SSH3: variants seen among roughly 807,000 people sequenced by gnomAD.
SSH3 encodes protein phosphatase Slingshot homolog 3.
In SSH3, 67 loss-of-function variants were observed where a neutral mutation model predicts 75.0. The ratio of observed to expected loss-of-function variants is 0.89; its 90% CI spans 0.73 to 1.10. The LOEUF is 1.10. Ranked by LOEUF, SSH3 falls within the 50% of genes least tolerant of loss-of-function variation. SSH3 has a pLI of 0.00. For missense variants in SSH3, 824 were observed against 872.7 expected, an observed-to-expected ratio of 0.94 and a Z score of 0.70; for synonymous variants, 318 against 349.2, an observed-to-expected ratio of 0.91 and a Z score of 1.00.
chr11:67,304,673 G>A, intron 2 of SSH3, 100 bp from the exon 3 acceptor site: 9 of 1,240,766 alleles, frequency 7.3e-6, no homozygotes, highest in Non-Finnish European at 1.0e-5. Flanking sequence ...ATGAATCCGT[G>A]TAGACAAGGG....
Position 67,310,177 on chromosome 11 carries a change from TG to T in SSH3, c.1525del (p.Glu509ArgfsTer5). ...PPLPPEPEGGGEEKVVGMEES... is the reference protein window; with the variant it reads ...PPLPPEPEGGXEEKVVGMEES... ...CTCTTCCGCCAGAACCTGAGGGTGG[TG>T]GGGAGGAGAAGGTTGTAGGCATGGA... On this transcript the variant is annotated frameshift_variant, in exon 13 of 14. Transcript: ENST00000308127. 6.2e-7 allele frequency: 1 copy of T among 1,613,836 alleles called. No individual in the cohort carries two copies. The highest frequency in any genetic ancestry group is 2.2e-5 in the East Asian group (1 of 44,864).
Position 67,309,869 on chromosome 11 carries a change from A to G in SSH3, c.1310A>G (p.Glu437Gly). 1 of 1,612,854 alleles carries G rather than the reference A, an allele frequency of 6.2e-7. No homozygotes were observed. The highest frequency in any genetic ancestry group is 8.5e-7 in the Non-Finnish European group (1 of 1,180,006). The change falls in exon 12 of 14, where the codon GAG becomes GGG. Residue 437 changes from glutamate (E) to glycine (G), a missense_variant. Coordinates refer to ENST00000308127, the MANE Select transcript of SSH3 (RefSeq NM_017857.4). ...ATGAAGCAGTACGAATGCAGCCTGG[A>G]GCAGGCCCTGCGCCACGTGCAGGAG... is the stretch of plus-strand genomic sequence containing the variant. ...YAMKQYECSL[E>G]QALRHVQELR...
In SSH3 at chr11:67,304,908, C is replaced by T. The variant is rs1445353850; in HGVS notation, c.240C>T (p.Asp80=). The T allele has an allele frequency of 5.0e-6, 8 of 1,613,812 alleles. No homozygotes were observed. Among genetic ancestry groups the T allele is most frequent in the Non-Finnish European group, 4.2e-6 (5 of 1,180,014 alleles). ...AGGAGCTCCACGGGGACCAGACAGA[C>T]TTCGGGCAAGGATCCCAGAGTCCCC... The part of the protein sequence containing the change: ...SEEELHGDQT[D]FGQGSQSPQK... The change falls in exon 3 of 14, where the codon GAC becomes GAT. Residue 80 remains aspartate, a synonymous_variant. Transcript: ENST00000308127.
rs1861300997 is a variant in SSH3, at chr11:67,308,162, C to T, written c.886-12C>T. On this transcript the variant is annotated splice_polypyrimidine_tract_variant and intron_variant, in intron 8 of 13. Coordinates refer to ENST00000308127, the MANE Select transcript of SSH3 (RefSeq NM_017857.4). The surrounding 1 kb of genome is among the most constrained non-coding windows in gnomAD (Gnocchi z 4.9). ...GAGCCCCAGCCTCTCTTGCCCTGGG[C>T]TCTGCCTGCAGATCCGCCAGGCTCT... is the stretch of plus-strand genomic sequence containing the variant. 1 of 1,611,042 alleles carries T rather than the reference C, an allele frequency of 6.2e-7. No individual in the cohort carries two copies. Among genetic ancestry groups the T allele is most frequent in the East Asian group, 2.2e-5 (1 of 44,894 alleles).
intron 2 of SSH3, 27 bp downstream of exon 2, chr11:67,304,182 A>G (rs2134763745): frequency 6.5e-7 from 1 of 1,546,066 alleles, no homozygotes; most frequent in Non-Finnish European, 8.8e-7. Flanking sequence ...CCACGCAGAC[A>G]CTTCCGTCTG....
chr11:67,304,983 G>A lies in SSH3; in HGVS notation c.315G>A (p.Leu105=), dbSNP rs778751731. The stretch of plus-strand genomic sequence containing the variant: ...ACCTGCACCTCATGGTACAGCTGCT[G>A]AGGCCGCAGGATGACATCCGCCTGG... ...RQHLHLMVQL[L]RPQDDIRLAA... is the part of the protein sequence containing the mutation. The change falls in exon 3 of 14, where the codon CTG becomes CTA. Residue 105 remains leucine (L), a synonymous_variant. Coordinates refer to ENST00000308127, the MANE Select transcript of SSH3 (RefSeq NM_017857.4). 10 of 1,612,336 alleles carry A rather than the reference G, an allele frequency of 6.2e-6. No homozygotes were observed. In the South Asian group the frequency reaches 1.1e-4, roughly 18 times the overall value.
In SSH3 at chr11:67,311,898, A is replaced by C. The variant is rs767208001; in HGVS notation, c.*11A>C. ...GAGGGCGAGGCCTGAGCCCTCACAC[A>C]TGCCCACGCTCCCCTGACACTGAAG... is the stretch of plus-strand genomic sequence containing the variant. On this transcript the variant is annotated 3_prime_UTR_variant, in exon 14 of 14. Transcript: ENST00000308127. 1 of 1,606,470 alleles carries C rather than the reference A, an allele frequency of 6.2e-7. No homozygotes were observed. Among genetic ancestry groups the C allele is most frequent in the Admixed American group, 1.7e-5 (1 of 57,664 alleles).
rs1349316168 is a variant in SSH3, at chr11:67,303,555, C to G, written c.-71C>G. On this transcript the variant is annotated 5_prime_UTR_variant, in exon 1 of 14. Transcript: ENST00000308127. ...GTCCGTCCTTCCTGGTCCTGCGGGTCCAGGACTGTCCGCGGGGTTGAGGGA... is the reference window on the plus strand; with the variant it reads ...GTCCGTCCTTCCTGGTCCTGCGGGTGCAGGACTGTCCGCGGGGTTGAGGGA... 2.1e-6 allele frequency: 3 copies of G among 1,458,716 alleles called. No individual in the cohort carries two copies. The Admixed American group carries it at 6.1e-5, about 30-fold the overall frequency. 90.4% of individuals were successfully genotyped at this position (1,458,716 alleles called of 1,614,324 possible).
At chr11:67,304,095 C>T (rs375873360) in intron 1 of SSH3, 23 bp from the exon 2 acceptor site, 225 of 1,579,300 alleles carry the variant, frequency 1.4e-4, no homozygotes, top group Non-Finnish European at 1.8e-4. Flanking sequence ...CCTCACCCTG[C>T]CCTGGGGCTG....
intron 10 of SSH3, 47 bp from the exon 11 acceptor site, chr11:67,309,350 C>A: frequency 5.6e-6 from 9 of 1,610,016 alleles, no homozygotes; most frequent in Non-Finnish European, 7.6e-6. Flanking sequence ...GCCAGTGGGC[C>A]TGGTACCTCT....
chr11:67,307,190 C>T lies in SSH3; in HGVS notation c.536+77C>T, dbSNP rs1861271139. The T allele has an allele frequency of 5.7e-6, 9 of 1,586,724 alleles. No individual in the cohort carries two copies. The highest frequency in any genetic ancestry group is 6.9e-6 in the Non-Finnish European group (8 of 1,167,172). On this transcript the variant is annotated intron_variant, in intron 5 of 13. Coordinates refer to ENST00000308127, the MANE Select transcript of SSH3 (RefSeq NM_017857.4). The surrounding 1 kb of genome is among the most constrained non-coding windows in gnomAD (Gnocchi z 4.2). ...GACGGATGTGACGGGGCCTGGGCAC[C>T]AGGGTACAGTAGAACTTTAGGCTGG...
At position 67,304,829 on chromosome 11, in the gene SSH3, A is replaced by G. The variant is rs1490133685; in HGVS notation, c.161A>G (p.Asn54Ser). Residue 54 changes from asparagine (N) to serine (S), a missense_variant, in exon 3 of 14, where the codon AAT becomes AGT. By Grantham distance (46) the Asn-to-Ser change is conservative. Coordinates refer to ENST00000308127, the MANE Select transcript of SSH3 (RefSeq NM_017857.4). ...AVLGLQDGGD[N>S]DDAAEASSEP... Reference sequence around the variant, plus strand: ...CTGGGACTGCAGGATGGAGGGGACAATGATGATGCAGCAGAGGCCAGTTCT... The same window carrying G: ...CTGGGACTGCAGGATGGAGGGGACAGTGATGATGCAGCAGAGGCCAGTTCT... The G allele has an allele frequency of 1.2e-6, 2 of 1,613,458 alleles. No homozygotes were observed. Among genetic ancestry groups the G allele is most frequent in the Non-Finnish European group, 1.7e-6 (2 of 1,179,862 alleles).
chr11:67,307,886 G>A lies in SSH3; in HGVS notation c.832G>A (p.Glu278Lys). Residue 278 changes from glutamate (E) to lysine (K), a missense_variant, in exon 8 of 14, where the codon GAG becomes AAG. Physicochemically the swap from Glu to Lys is moderately conservative, Grantham distance 56 (BLOSUM62 1). Transcript: ENST00000308127. The surrounding 1 kb of genome is among the most constrained non-coding windows in gnomAD (Gnocchi z 4.2). ...GCAGATGGAGCAGGCGATCCGTGCTGAGCTGTGGAAAGTGTTGGATGTCAG... is the reference window on the plus strand; with the variant it reads ...GCAGATGGAGCAGGCGATCCGTGCTAAGCTGTGGAAAGTGTTGGATGTCAG... ...QEQMEQAIRA[E>K]LWKVLDVSDL... The A allele has an allele frequency of 6.2e-7, 1 of 1,614,214 alleles. No homozygotes were observed.
Position 67,308,499 on chromosome 11 carries a change from C to A in SSH3, c.1061+41C>A. 6.4e-7 allele frequency: 1 copy of A among 1,553,222 alleles called. No homozygotes were observed. The highest frequency in any genetic ancestry group is 8.7e-7 in the Non-Finnish European group (1 of 1,148,988). On this transcript the variant is annotated intron_variant, in intron 10 of 13. Coordinates refer to ENST00000308127, the MANE Select transcript of SSH3 (RefSeq NM_017857.4). This position sits in a 1 kb window ranked among gnomAD's most constrained non-coding sequence, Gnocchi z 4.9. Reference sequence around the variant, plus strand: ...CCTCGGGCCACCCACCCCATCTTCCCTTCTCCTGGCCTCCCCGCATTGGGT... The same window carrying A: ...CCTCGGGCCACCCACCCCATCTTCCATTCTCCTGGCCTCCCCGCATTGGGT...
chr11:67,309,984 G>A lies in SSH3; in HGVS notation c.1409+16G>A, dbSNP rs748202654. Reference sequence around the variant, plus strand: ...TGACGGCCAGGTATGGGATGGGAGCGAGTGGCAGGGGGTGAGTAGGTGGGT... The same window carrying A: ...TGACGGCCAGGTATGGGATGGGAGCAAGTGGCAGGGGGTGAGTAGGTGGGT... On this transcript the variant is annotated intron_variant, in intron 12 of 13. Coordinates refer to ENST00000308127, the MANE Select transcript of SSH3 (RefSeq NM_017857.4). The A allele has an allele frequency of 1.4e-5, 22 of 1,610,170 alleles. No individual in the cohort carries two copies. Among genetic ancestry groups the A allele is most frequent in the Non-Finnish European group, 1.7e-5 (20 of 1,179,766 alleles).
rs146883105 is a variant in SSH3 at position 67,308,264 on chromosome 11, C to T, written c.976C>T (p.Arg326Trp). ...CCAGATGCTGCTGCTGGTGGCACAG[C>T]GGGACCGAGCCTCCCGCATCTTCCC... ...DNQMLLLVAQ[R>W]DRASRIFPHL... is the part of the protein sequence containing the mutation. Residue 326 changes from arginine (R) to tryptophan (W), a missense_variant, in exon 9 of 14, where the codon CGG becomes TGG. By Grantham distance (101) the Arg-to-Trp change is moderately radical. Transcript: ENST00000308127. This position sits in a 1 kb window ranked among gnomAD's most constrained non-coding sequence, Gnocchi z 4.9. 70 of 1,613,986 alleles carry T rather than the reference C, an allele frequency of 4.3e-5. No homozygotes were observed. The highest frequency in any genetic ancestry group is 5.3e-5 in the Non-Finnish European group (62 of 1,180,032).
In SSH3 at chr11:67,308,441, G is replaced by A. The variant is rs1299796749; in HGVS notation, c.1044G>A (p.Glu348=). 4 of 1,601,906 alleles carry A rather than the reference G, an allele frequency of 2.5e-6. No individual in the cohort carries two copies. Among genetic ancestry groups the A allele is most frequent in the Admixed American group, 1.7e-5 (1 of 57,812 alleles). Residue 348 remains glutamate, a synonymous_variant, in exon 10 of 14, where the codon GAG becomes GAA. Transcript: ENST00000308127. The surrounding 1 kb of genome is among the most constrained non-coding windows in gnomAD (Gnocchi z 4.9). The stretch of plus-strand genomic sequence containing the variant: ...CAGAGTGGAACGCAGCAAACCTGGA[G>A]GAGCTGCAGAGGAACAGGTAGGGCT... ...LGSEWNAANL[E]ELQRNRVTHI... is the part of the protein sequence containing the mutation.
In SSH3 at chr11:67,304,099, G is replaced by T; in HGVS notation, c.67-19G>T. 1 of 1,582,438 alleles carries T rather than the reference G, an allele frequency of 6.3e-7. No homozygotes were observed. The highest frequency in any genetic ancestry group is 8.6e-7 in the Non-Finnish European group (1 of 1,169,144). ...GCCCTCCCCGCCCTCACCCTGCCCT[G>T]GGGCTGCTCTCTCCGCAGGACCAGG... On this transcript the variant is annotated intron_variant, in intron 1 of 13. Coordinates refer to ENST00000308127, the MANE Select transcript of SSH3 (RefSeq NM_017857.4).
At chr11:67,306,575 T>G (rs1163260919) in intron 3 of SSH3, among the ~76,000 whole-genome samples, 3 of 152,236 alleles carry the variant, frequency 2.0e-5, no homozygotes, top group African/African-American at 7.2e-5. Flanking sequence ...TACTCCAGCC[T>G]GGGCGACAGA....
Sources: allele counts gnomAD v4.1 joint callset (sites outside exome capture counted in the v4.1 genomes callset), GRCh38; gene constraint gnomAD v4.1.1; non-coding constraint Gnocchi (gnomAD v3.1); transcripts MANE v1.5; gene names NCBI Gene and HGNC (gene_info 2026-07-23, HGNC 2026-07-21).